Variants in TIAM1 observed in about 807,000 individuals in gnomAD.
TIAM1 encodes rho guanine nucleotide exchange factor TIAM1.
TIAM1 carries 65 observed loss-of-function variants against 163.5 expected under a neutral mutation model. That is an observed-to-expected ratio of 0.40 (90% CI 0.33 to 0.49). The LOEUF is 0.49. TIAM1 is among the 20% of genes least tolerant of loss of function. The pLI, the probability that TIAM1 is intolerant of heterozygous loss-of-function variation, is 0.77. For missense variants in TIAM1, 1,789 were observed against 2,044.7 expected (o/e 0.87, Z 2.41); for synonymous variants, 833 against 810.1 (o/e 1.03, Z -0.48).
At chr21:31,284,646 G>A (rs1414793968) in intron 2 of TIAM1, among the ~76,000 whole-genome samples, 1 of 152,048 alleles carries the variant, frequency 6.6e-6, no homozygotes, top group Non-Finnish European at 1.5e-5. Context: ...AACCTCCCGA[G>A]TAGCTGGGAC....
intron 2 of TIAM1, among the ~76,000 whole-genome samples, chr21:31,279,105 T>C (rs1412957264): frequency 1.3e-5 from 2 of 151,942 alleles, no homozygotes; most frequent in African/African-American, 4.8e-5. Flanking sequence ...TATATTCTTC[T>C]AGTCCCTGAA....
At chr21:31,228,505 C>T (rs1452053444) in intron 6 of TIAM1, among the ~76,000 whole-genome samples, 2 of 152,076 alleles carry the variant, frequency 1.3e-5, no homozygotes, top group Non-Finnish European at 2.9e-5. Flanking sequence ...CAAGAACATG[C>T]CCAGCAGCAA....
chr21:31,440,503 A>T (rs1169734939), intron 2 of TIAM1, among the ~76,000 whole-genome samples: 1 of 152,246 alleles, frequency 6.6e-6, no homozygotes, highest in Non-Finnish European at 1.5e-5. Context: ...GACCAAGTTA[A>T]TACAGATGCT....
intron 1 of TIAM1, among the ~76,000 whole-genome samples, chr21:31,516,953 G>A (rs1330878811): frequency 6.6e-6 from 1 of 150,466 alleles, no homozygotes; most frequent in Non-Finnish European, 1.5e-5. Context: ...GGAGGCTGAG[G>A]CAGGAGAATC....
At chr21:31,163,939 G>A (rs2833317) in intron 16 of TIAM1, among the ~76,000 whole-genome samples, 10,553 of 152,286 alleles carry the variant, frequency 0.069, 1,221 homozygotes, top group African/African-American at 0.24. Context: ...GAATAAGTAT[G>A]GAAACAAAAT....
At chr21:31,549,850 G>A (rs545616701) in intron 1 of TIAM1, among the ~76,000 whole-genome samples, 28 of 152,326 alleles carry the variant, frequency 1.8e-4, no homozygotes, top group Middle Eastern at 6.8e-3. Context: ...AAGGCCGGGC[G>A]TGGTGGCTCA....
At chr21:31,401,358 A>T (rs76797867) in intron 2 of TIAM1, among the ~76,000 whole-genome samples, 3,632 of 152,238 alleles carry the variant, frequency 0.024, 59 homozygotes, top group South Asian at 0.036. Flanking sequence ...TACTGTCTAG[A>T]CCTGAAATTT....
intron 12 of TIAM1, among the ~76,000 whole-genome samples, chr21:31,199,329 G>A (rs930144099): frequency 3.3e-5 from 5 of 152,046 alleles, no homozygotes; most frequent in African/African-American, 1.2e-4. Context: ...TTTCAAAGCC[G>A]ACAATGCCCT....
chr21:31,403,453 A>G (rs747893480), intron 2 of TIAM1, among the ~76,000 whole-genome samples: 1 of 152,180 alleles, frequency 6.6e-6, no homozygotes, highest in Non-Finnish European at 1.5e-5. Flanking sequence ...GGCCGATGAC[A>G]TACTTTTTTA....
chr21:31,181,425 G>T (rs1467454825), intron 15 of TIAM1, among the ~76,000 whole-genome samples: 3 of 151,458 alleles, frequency 2.0e-5, no homozygotes, highest in Non-Finnish European at 4.4e-5. Flanking sequence ...GTCCCAGGAA[G>T]ACTTCGAAAG....
intron 2 of TIAM1, among the ~76,000 whole-genome samples, chr21:31,413,224 T>C (rs2043260817): frequency 6.6e-6 from 1 of 151,978 alleles, no homozygotes; most frequent in Admixed American, 6.6e-5. Context: ...GTGCATGTCT[T>C]CCTCTTTCTG....
intron 8 of TIAM1, among the ~76,000 whole-genome samples, chr21:31,220,868 C>T (rs1256655670): frequency 6.6e-6 from 1 of 152,160 alleles, no homozygotes; most frequent in Non-Finnish European, 1.5e-5. Flanking sequence ...CTCATCTGTG[C>T]AAACAAGAAC....
At chr21:31,429,032 C>T (rs574898943) in intron 2 of TIAM1, among the ~76,000 whole-genome samples, 1 of 148,230 alleles carries the variant, frequency 6.7e-6, no homozygotes, top group South Asian at 2.1e-4. Context: ...CAGGGTCTCA[C>T]TCTGTCCCCC....
Position 31,362,479 on chromosome 21 carries a change from A to ATTATTAT in TIAM1, c.-368-23058_-368-23057insATAATAA, listed in dbSNP as rs1191164944. Among the ~76,000 whole-genome samples, 441 of 145,392 alleles carry ATTATTAT rather than the reference A, an allele frequency of 3.0e-3. 5 individuals carry two copies. Among genetic ancestry groups the ATTATTAT allele is most frequent in the African/African-American group, 0.011 (424 of 39,174 alleles). ...TATTATTATTATTATTATTATTATT[A>ATTATTAT]TATTTGAGAAAAGGTCTCGCTTTGT... is the stretch of plus-strand genomic sequence containing the variant. On this transcript the variant is annotated intron_variant, in intron 2 of 28. Transcript: ENST00000286827.
intron 2 of TIAM1, among the ~76,000 whole-genome samples, chr21:31,454,397 AC>A (rs1360029143): frequency 6.6e-6 from 1 of 152,254 alleles, no homozygotes; most frequent in African/African-American, 2.4e-5. Context: ...CAACATGTGT[AC>A]TATGATCCTT....
Position 31,120,834 on chromosome 21 carries a change from G to A in TIAM1, c.4310C>T (p.Ser1437Phe). The change falls in exon 28 of 28, where the codon TCT (serine) becomes TTT (phenylalanine). Residue 1437 changes from serine to phenylalanine, a missense_variant. Coordinates refer to ENST00000541036, the MANE Select transcript of TIAM1 (RefSeq NM_001353694.2). The surrounding 1 kb of genome is among the most constrained non-coding windows in gnomAD (Gnocchi z 4.2). ...GARPAMSRAV[S>F]APSKSLGRRR... Reference sequence around the variant, plus strand: ...CCTCCCAAGAGACTTGCTTGGGGCAGACACTGCACACACACACAAAAATAT... The same window carrying A: ...CCTCCCAAGAGACTTGCTTGGGGCAAACACTGCACACACACACAAAAATAT... 6.2e-7 allele frequency: 1 copy of A among 1,607,430 alleles called. No homozygotes were observed. The highest frequency in any genetic ancestry group is 8.5e-7 in the Non-Finnish European group (1 of 1,176,648).
intron 3 of TIAM1, among the ~76,000 whole-genome samples, chr21:31,271,558 C>T (rs895256247): frequency 2.0e-5 from 3 of 152,148 alleles, no homozygotes; most frequent in Admixed American, 2.0e-4. Context: ...GTGTTCCCCT[C>T]CCCACCCCCA....
At chr21:31,143,746 G>C (rs1227955367) in intron 20 of TIAM1, among the ~76,000 whole-genome samples, 1 of 145,378 alleles carries the variant, frequency 6.9e-6, no homozygotes, top group East Asian at 2.0e-4. Flanking sequence ...TTTTTTTTCT[G>C]AGACGGAGTC....
intron 4 of TIAM1, among the ~76,000 whole-genome samples, chr21:31,263,505 T>A (rs190174395): frequency 5.3e-5 from 8 of 152,168 alleles, no homozygotes; most frequent in African/African-American, 1.9e-4. Flanking sequence ...AAATTTCGTA[T>A]AATAATGACA....
Sources: allele counts gnomAD v4.1 joint callset (sites outside exome capture counted in the v4.1 genomes callset), GRCh38; gene constraint gnomAD v4.1.1; non-coding constraint Gnocchi (gnomAD v3.1); transcripts MANE v1.5; gene names NCBI Gene and HGNC (gene_info 2026-07-23, HGNC 2026-07-21).